The following PAPPA variants were observed in gnomAD, a reference collection of about 807,000 sequenced individuals.
The protein encoded by PAPPA is pappalysin-1.
PAPPA carries 60 observed loss-of-function variants against 164.0 expected under a neutral mutation model. The observed-to-expected ratio is 0.37, with a 90% confidence interval of 0.30 to 0.45. The LOEUF (loss-of-function observed/expected upper bound fraction) is 0.45. PAPPA is among the 20% of genes least tolerant of loss of function. The pLI, the probability that PAPPA is intolerant of heterozygous loss-of-function variation, is 1.00. For missense variants in PAPPA, 1,782 were observed against 2,087.3 expected, an observed-to-expected ratio of 0.85 and a Z score of 2.85; for synonymous variants, 875 against 814.1, an observed-to-expected ratio of 1.07 and a Z score of -1.27.
chr9:116,176,844 G>A (rs575080091), intron 1 of PAPPA, among the ~76,000 whole-genome samples: 12 of 152,182 alleles, frequency 7.9e-5, no homozygotes, highest in African/African-American at 2.4e-4. Flanking sequence ...TTGACAAGAT[G>A]AGCCAAGGTC....
chr9:116,308,269 G>C (rs571287089), intron 10 of PAPPA, among the ~76,000 whole-genome samples: 1 of 152,230 alleles, frequency 6.6e-6, no homozygotes, highest in South Asian at 2.1e-4. Context: ...GATCTAGAGG[G>C]AGTTTCCCCG....
At chr9:116,253,458 C>A (rs901763061) in intron 7 of PAPPA, among the ~76,000 whole-genome samples, 4 of 152,102 alleles carry the variant, frequency 2.6e-5, no homozygotes, top group African/African-American at 9.7e-5. Flanking sequence ...AAACAGTAGC[C>A]ATTTTTTTCT....
chr9:116,188,280 G>A, intron 2 of PAPPA, 64 bp downstream of exon 2: 1 of 1,252,342 alleles, frequency 8.0e-7, no homozygotes, highest in Non-Finnish European at 1.1e-6. Flanking sequence ...CCATATTATA[G>A]ATAAGGCACC....
chr9:116,182,634 C>T (rs1292618882), intron 1 of PAPPA, among the ~76,000 whole-genome samples: 1 of 152,168 alleles, frequency 6.6e-6, no homozygotes, highest in Non-Finnish European at 1.5e-5. Context: ...GAGACTCTTT[C>T]CATGCCTTTG....
intron 10 of PAPPA, among the ~76,000 whole-genome samples, chr9:116,324,800 T>C (rs1845901599): frequency 6.6e-6 from 1 of 151,868 alleles, no homozygotes; most frequent in African/African-American, 2.4e-5. Flanking sequence ...CCACAACATG[T>C]GAGAGAAAGA....
intron 21 of PAPPA, among the ~76,000 whole-genome samples, chr9:116,384,368 C>A (rs988288847): frequency 2.6e-5 from 4 of 151,474 alleles, no homozygotes; most frequent in African/African-American, 9.7e-5. Context: ...GCAGAAGGAC[C>A]ACTTGAGCTC....
chr9:116,254,781 CAAAAAAAAAAA>C (rs143327103), intron 7 of PAPPA, among the ~76,000 whole-genome samples: 23 of 60,372 alleles, frequency 3.8e-4, no homozygotes, highest in African/African-American at 1.1e-3. Flanking sequence ...GACTCCGTCT[CAAAAAAAAAAA>C]AAAAAAAAAA....
At chr9:116,365,244 C>G (rs984695965) in intron 18 of PAPPA, among the ~76,000 whole-genome samples, 4 of 152,130 alleles carry the variant, frequency 2.6e-5, no homozygotes, top group Non-Finnish European at 5.9e-5. Flanking sequence ...ACCAGCTCCC[C>G]CTGCGTGCCT....
At chr9:116,324,941 T>C (rs552453125) in intron 10 of PAPPA, among the ~76,000 whole-genome samples, 1 of 152,198 alleles carries the variant, frequency 6.6e-6, no homozygotes. Context: ...GAAGGTTCCA[T>C]CCTGTGGATC....
At chr9:116,383,981 CA>C (rs1260333086) in intron 21 of PAPPA, among the ~76,000 whole-genome samples, 3 of 151,548 alleles carry the variant, frequency 2.0e-5, no homozygotes, top group Non-Finnish European at 2.9e-5. Context: ...CAAAGAAAAC[CA>C]CTGCTTTTTA....
intron 18 of PAPPA, among the ~76,000 whole-genome samples, chr9:116,364,322 A>C (rs1588021529): frequency 6.6e-6 from 1 of 152,206 alleles, no homozygotes. Flanking sequence ...TTTAGGGAAA[A>C]CCTACAGAAA....
At chr9:116,279,786 G>A (rs1845245685) in intron 9 of PAPPA, among the ~76,000 whole-genome samples, 1 of 152,130 alleles carries the variant, frequency 6.6e-6, no homozygotes, top group African/African-American at 2.4e-5. Flanking sequence ...ACTGGGAGAG[G>A]GTAGAGGCCT....
intron 1 of PAPPA, among the ~76,000 whole-genome samples, chr9:116,157,613 T>G (rs1843619201): frequency 6.6e-6 from 1 of 151,986 alleles, no homozygotes; most frequent in African/African-American, 2.4e-5. Flanking sequence ...GAGGGGTGTG[T>G]GCTGGATGAC....
At chr9:116,305,251 G>A (rs957118748) in intron 10 of PAPPA, among the ~76,000 whole-genome samples, 17 of 150,820 alleles carry the variant, frequency 1.1e-4, no homozygotes, top group Admixed American at 9.9e-4. Context: ...AGAGAATGAG[G>A]AGGAAGTATA....
At chr9:116,249,299 A>T (rs1587971243) in intron 7 of PAPPA, among the ~76,000 whole-genome samples, 1 of 152,190 alleles carries the variant, frequency 6.6e-6, no homozygotes, top group South Asian at 2.1e-4. Context: ...AAGGCAAGAA[A>T]ATTTAGCCAG....
intron 9 of PAPPA, among the ~76,000 whole-genome samples, chr9:116,289,807 A>G (rs1845413926): frequency 6.6e-6 from 1 of 152,226 alleles, no homozygotes; most frequent in South Asian, 2.1e-4. Flanking sequence ...TGTTTTAGAG[A>G]GAATACAATT....
intron 7 of PAPPA, among the ~76,000 whole-genome samples, chr9:116,245,573 G>C (rs1356527174): frequency 6.6e-6 from 1 of 152,186 alleles, no homozygotes; most frequent in Non-Finnish European, 1.5e-5. Flanking sequence ...AGGACTTGGT[G>C]ATAGATTGGA....
At chr9:116,200,472 GT>G (rs1844159838) in intron 2 of PAPPA, among the ~76,000 whole-genome samples, 1 of 152,190 alleles carries the variant, frequency 6.6e-6, no homozygotes, top group African/African-American at 2.4e-5. Context: ...CCTTGGAAAA[GT>G]GGTGTCAGCC....
intron 18 of PAPPA, 107 bp from the exon 19 acceptor site, chr9:116,367,538 G>T: frequency 1.3e-6 from 1 of 765,324 alleles, no homozygotes. Context: ...TTGGGTAGCT[G>T]AGTCCACCAG....
Sources: allele counts gnomAD v4.1 joint callset (sites outside exome capture counted in the v4.1 genomes callset), GRCh38; gene constraint gnomAD v4.1.1; transcripts MANE v1.5; gene names NCBI Gene and HGNC (gene_info 2026-07-23, HGNC 2026-07-21).